Variants in STXBP5L observed in about 807,000 individuals in gnomAD.
STXBP5L encodes syntaxin-binding protein 5-like.
A neutral mutation model predicts 144.5 loss-of-function variants in STXBP5L; 65 were observed. That is an observed-to-expected ratio of 0.45 (90% CI 0.37 to 0.55). The LOEUF (loss-of-function observed/expected upper bound fraction) is 0.55. Ranked by LOEUF, STXBP5L falls within the 20% of genes least tolerant of loss-of-function variation. The pLI, the probability that STXBP5L is intolerant of heterozygous loss-of-function variation, is 0.00. For missense variants in STXBP5L, 1,298 were observed against 1,405.5 expected, an observed-to-expected ratio of 0.92 and a Z score of 1.22; for synonymous variants, 505 against 469.6, an observed-to-expected ratio of 1.08 and a Z score of -0.97.
chr3:121,248,966 G>A (rs1221401261), intron 14 of STXBP5L, among the ~76,000 whole-genome samples: 1 of 151,958 alleles, frequency 6.6e-6, no homozygotes, highest in Admixed American at 6.6e-5. Flanking sequence ...TAGGTGTGAG[G>A]CTTTCTCAGT....
At chr3:121,353,758 C>G (rs1461307243) in intron 20 of STXBP5L, among the ~76,000 whole-genome samples, 1 of 152,108 alleles carries the variant, frequency 6.6e-6, no homozygotes, top group Non-Finnish European at 1.5e-5. Context: ...TTCTCTAGCT[C>G]TTTTAATTGT....
At chr3:121,029,943 G>A (rs1369891662) in intron 3 of STXBP5L, among the ~76,000 whole-genome samples, 1 of 152,082 alleles carries the variant, frequency 6.6e-6, no homozygotes, top group Non-Finnish European at 1.5e-5. Context: ...ATCATCGCTG[G>A]TCATTAGAGA....
At chr3:121,200,074 G>A (rs563540355) in intron 9 of STXBP5L, among the ~76,000 whole-genome samples, 1 of 152,244 alleles carries the variant, frequency 6.6e-6, no homozygotes, top group African/African-American at 2.4e-5. Flanking sequence ...GCTCCTCTTT[G>A]TACCTCTGGT....
At chr3:121,013,207 A>G (rs1944908145) in intron 3 of STXBP5L, among the ~76,000 whole-genome samples, 1 of 152,030 alleles carries the variant, frequency 6.6e-6, no homozygotes, top group Non-Finnish European at 1.5e-5. Flanking sequence ...CTTTGGATAT[A>G]TACCCATTAA....
chr3:120,950,200 T>C (rs1220610339), intron 2 of STXBP5L, among the ~76,000 whole-genome samples: 4 of 152,022 alleles, frequency 2.6e-5, no homozygotes, highest in South Asian at 2.1e-4. Context: ...TTTGTGTATG[T>C]TATAAGTAAG....
chr3:121,193,765 T>A (rs540632622), intron 9 of STXBP5L, among the ~76,000 whole-genome samples: 51 of 152,160 alleles, frequency 3.4e-4, no homozygotes, highest in African/African-American at 1.2e-3. Context: ...TAGGTGGGAA[T>A]TGAACAATGA....
chr3:121,131,747 A>G (rs1559781274), intron 7 of STXBP5L, among the ~76,000 whole-genome samples: 1 of 152,336 alleles, frequency 6.6e-6, no homozygotes, highest in East Asian at 1.9e-4. Flanking sequence ...ATTAATACCA[A>G]TGGAAAAGGA....
At chr3:121,043,048 C>T (rs9835107) in intron 4 of STXBP5L, among the ~76,000 whole-genome samples, 14,997 of 151,636 alleles carry the variant, frequency 0.099, 1,165 homozygotes, top group Admixed American at 0.2. Flanking sequence ...TCCTTTGAGA[C>T]TTGTCTTCCA....
At chr3:120,939,205 G>A (rs1031082687) in intron 2 of STXBP5L, among the ~76,000 whole-genome samples, 3 of 152,116 alleles carry the variant, frequency 2.0e-5, no homozygotes, top group Non-Finnish European at 4.4e-5. Context: ...ATTGTGTCTA[G>A]TACGTAGTAA....
rs538244300 is a variant in STXBP5L, at chr3:121,129,806, G to A, written c.669+8102G>A. Among the ~76,000 whole-genome samples the A allele has an allele frequency of 5.9e-5, 9 of 152,042 alleles. 1 individual carries two copies. The South Asian group carries it at 8.3e-4, about 14-fold the overall frequency. ...TGGATCTAGTGAGCAGACCTGGCGA[G>A]TACCTTTATAACTCATAAGATTCAT... is the stretch of plus-strand genomic sequence containing the variant. On this transcript the variant is annotated intron_variant, in intron 7 of 26. Coordinates refer to ENST00000471454, the MANE Select transcript of STXBP5L (RefSeq NM_001308330.2).
chr3:120,953,763 T>C (rs1937710348), intron 2 of STXBP5L, among the ~76,000 whole-genome samples: 1 of 152,152 alleles, frequency 6.6e-6, no homozygotes, highest in Non-Finnish European at 1.5e-5. Flanking sequence ...TGCAGATAGT[T>C]TTAGTTCTTC....
At chr3:121,190,595 G>A (rs924005077) in intron 9 of STXBP5L, among the ~76,000 whole-genome samples, 5 of 152,216 alleles carry the variant, frequency 3.3e-5, no homozygotes, top group East Asian at 1.9e-4. Context: ...GGTGGCGGCC[G>A]GGCACAGGGG....
At chr3:121,012,686 A>G (rs776081722) in intron 3 of STXBP5L, among the ~76,000 whole-genome samples, 13 of 151,482 alleles carry the variant, frequency 8.6e-5, no homozygotes, top group Non-Finnish European at 1.5e-4. Context: ...TATTATTGTT[A>G]TTATTATTCT....
chr3:121,375,612 G>A (rs2046158623), intron 20 of STXBP5L, among the ~76,000 whole-genome samples: 1 of 152,174 alleles, frequency 6.6e-6, no homozygotes, highest in Non-Finnish European at 1.5e-5. Context: ...GAGGTAATGT[G>A]TACAAAGTGC....
chr3:121,052,154 A>C (rs879435636), intron 5 of STXBP5L, among the ~76,000 whole-genome samples: 1 of 152,232 alleles, frequency 6.6e-6, no homozygotes, highest in Non-Finnish European at 1.5e-5. Context: ...CCCGAGGTAC[A>C]AGGAGGAGCT....
intron 6 of STXBP5L, among the ~76,000 whole-genome samples, chr3:121,115,701 G>C (rs1270605635): frequency 6.6e-6 from 1 of 152,072 alleles, no homozygotes; most frequent in Non-Finnish European, 1.5e-5. Context: ...GGTTTAATTG[G>C]CTTATGGTTC....
intron 9 of STXBP5L, among the ~76,000 whole-genome samples, chr3:121,169,786 A>G (rs530398342): frequency 6.6e-6 from 1 of 152,328 alleles, no homozygotes; most frequent in South Asian, 2.1e-4. Flanking sequence ...AGACAGATCC[A>G]TGAGACAGAA....
chr3:121,110,266 T>G (rs568371770), intron 5 of STXBP5L, among the ~76,000 whole-genome samples: 1 of 152,362 alleles, frequency 6.6e-6, no homozygotes, highest in East Asian at 1.9e-4. Context: ...CAACTGGTTA[T>G]TTTGCAGACT....
chr3:121,227,631 T>C (rs2108301140), intron 11 of STXBP5L, among the ~76,000 whole-genome samples: 1 of 152,208 alleles, frequency 6.6e-6, no homozygotes, highest in Non-Finnish European at 1.5e-5. Context: ...TATAGCCCAT[T>C]GCAAATACTT....
Sources: allele counts gnomAD v4.1 joint callset (sites outside exome capture counted in the v4.1 genomes callset), GRCh38; gene constraint gnomAD v4.1.1; transcripts MANE v1.5; gene names NCBI Gene and HGNC (gene_info 2026-07-23, HGNC 2026-07-21).